PPM1H: variants seen among roughly 807,000 people sequenced by gnomAD.
The protein encoded by PPM1H is protein phosphatase, Mg2+/Mn2+ dependent 1H.
Under a neutral mutation model 54.9 loss-of-function variants are expected in PPM1H, and 27 were observed. That is an observed-to-expected ratio of 0.49 (90% CI 0.36 to 0.68). PPM1H has a LOEUF of 0.68. Ranked by LOEUF, PPM1H falls within the 30% of genes least tolerant of loss-of-function variation. The pLI, the probability that PPM1H is intolerant of heterozygous loss-of-function variation, is 0.00. For missense variants in PPM1H, 596 were observed against 667.8 expected, an observed-to-expected ratio of 0.89 and a Z score of 1.19; for synonymous variants, 305 against 270.8, an observed-to-expected ratio of 1.13 and a Z score of -1.24.
At chr12:62,882,019 A>G (rs1013425839) in intron 1 of PPM1H, among the ~76,000 whole-genome samples, 44 of 152,374 alleles carry the variant, frequency 2.9e-4, no homozygotes, top group African/African-American at 1.0e-3. Flanking sequence ...AAAAAAATCC[A>G]AGAAACATGC....
intron 4 of PPM1H, among the ~76,000 whole-genome samples, chr12:62,770,069 A>C (rs76467295): frequency 0.18 from 26,855 of 149,156 alleles, 2,759 homozygotes; most frequent in African/African-American, 0.28. Flanking sequence ...TGCATGACTC[A>C]ACTTTCAGCT....
intron 1 of PPM1H, among the ~76,000 whole-genome samples, chr12:62,894,026 C>A (rs757763291): frequency 1.3e-5 from 2 of 152,040 alleles, no homozygotes; most frequent in Non-Finnish European, 2.9e-5. Context: ...GCTAGACGTG[C>A]GAATAAAGCC....
At chr12:62,718,538 T>C (rs1363052889) in intron 6 of PPM1H, among the ~76,000 whole-genome samples, 1 of 152,152 alleles carries the variant, frequency 6.6e-6, no homozygotes, top group African/African-American at 2.4e-5. Context: ...GTTTTCCCTA[T>C]CATGTTCCCT....
intron 4 of PPM1H, among the ~76,000 whole-genome samples, chr12:62,759,667 G>A (rs1177694652): frequency 6.6e-6 from 1 of 152,100 alleles, no homozygotes; most frequent in African/African-American, 2.4e-5. Context: ...AGCAAGCACC[G>A]CTTTTCTGGG....
At chr12:62,900,566 G>T (rs1871139082) in intron 1 of PPM1H, among the ~76,000 whole-genome samples, 1 of 145,434 alleles carries the variant, frequency 6.9e-6, no homozygotes, top group South Asian at 2.2e-4. Context: ...AGAAAGAAGG[G>T]AAGAAGAAAT....
chr12:62,915,879 C>T (rs1420169744), intron 1 of PPM1H, among the ~76,000 whole-genome samples: 3 of 152,200 alleles, frequency 2.0e-5, no homozygotes, highest in Admixed American at 6.5e-5. Flanking sequence ...CCAGAAATAG[C>T]CGCTTTCAAA....
chr12:62,878,414 T>A (rs1199676149), intron 1 of PPM1H, among the ~76,000 whole-genome samples: 1 of 151,958 alleles, frequency 6.6e-6, no homozygotes, highest in Non-Finnish European at 1.5e-5. Context: ...ATGGTTTGAT[T>A]CCTCTTATAG....
intron 1 of PPM1H, among the ~76,000 whole-genome samples, chr12:62,850,168 T>C (rs79192040): frequency 0.024 from 3,715 of 152,128 alleles, 72 homozygotes; most frequent in East Asian, 0.084. Context: ...GGTTTCACCA[T>C]GTTGTTCAGG....
At chr12:62,718,364 G>A (rs575481381) in intron 6 of PPM1H, among the ~76,000 whole-genome samples, 1 of 152,268 alleles carries the variant, frequency 6.6e-6, no homozygotes, top group South Asian at 2.1e-4. Flanking sequence ...TGTTATGATA[G>A]TTTTTCTCTG....
At chr12:62,903,784 C>T (rs1871229935) in intron 1 of PPM1H, among the ~76,000 whole-genome samples, 1 of 152,022 alleles carries the variant, frequency 6.6e-6, no homozygotes, top group Non-Finnish European at 1.5e-5. Flanking sequence ...AAATGTTATT[C>T]AATAACTAGG....
intron 9 of PPM1H, among the ~76,000 whole-genome samples, chr12:62,656,476 T>C (rs1463352810): frequency 6.6e-6 from 1 of 152,254 alleles, no homozygotes; most frequent in Non-Finnish European, 1.5e-5. Flanking sequence ...TCTTATAGTC[T>C]GTTTTCTGAA....
chr12:62,702,581 A>AGAGAGAGAGAG (rs1555190172), intron 6 of PPM1H, among the ~76,000 whole-genome samples: 7 of 151,810 alleles, frequency 4.6e-5, no homozygotes, highest in African/African-American at 1.5e-4. Context: ...AGAGAGAGAG[A>AGAGAGAGAGAG]AATACCACTT....
chr12:62,788,874 C>T (rs190570905), intron 3 of PPM1H, among the ~76,000 whole-genome samples: 1 of 152,160 alleles, frequency 6.6e-6, no homozygotes, highest in East Asian at 1.9e-4. Flanking sequence ...CACAGGTGCG[C>T]ACCACCATGC....
At position 62,844,573 on chromosome 12, in the gene PPM1H, C is replaced by T. The variant is rs1359391081; in HGVS notation, c.246-12294G>A. ...AGGAGACAAATGCGCTGAATGTAAGCGATTTTAAATTAGATGCTTAATACC... is the reference window on the plus strand; with the variant it reads ...AGGAGACAAATGCGCTGAATGTAAGTGATTTTAAATTAGATGCTTAATACC... On this transcript the variant is annotated intron_variant, in intron 1 of 9. Coordinates refer to ENST00000228705, the MANE Select transcript of PPM1H (RefSeq NM_020700.2). The surrounding 1 kb of genome is among the most constrained non-coding windows in gnomAD (Gnocchi z 5.2). Among the ~76,000 whole-genome samples, 2 of 152,088 alleles carry T rather than the reference C, an allele frequency of 1.3e-5. No individual in the cohort carries two copies. Among genetic ancestry groups the T allele is most frequent in the Non-Finnish European group, 2.9e-5 (2 of 68,030 alleles).
intron 6 of PPM1H, among the ~76,000 whole-genome samples, chr12:62,705,128 C>T (rs757545427): frequency 6.6e-6 from 1 of 152,132 alleles, no homozygotes; most frequent in Non-Finnish European, 1.5e-5. Context: ...CACAAACACA[C>T]GGCAAAAAAC....
chr12:62,693,118 T>C (rs1252739688), intron 7 of PPM1H, among the ~76,000 whole-genome samples: 1 of 152,206 alleles, frequency 6.6e-6, no homozygotes, highest in Non-Finnish European at 1.5e-5. Context: ...TTGAAATGTA[T>C]TAGTGTTCCG....
chr12:62,742,047 A>G (rs1218625030), intron 4 of PPM1H, among the ~76,000 whole-genome samples: 4 of 151,872 alleles, frequency 2.6e-5, no homozygotes, highest in Non-Finnish European at 5.9e-5. Context: ...ACAAAGGGAA[A>G]CAAGGCAGTG....
Position 62,844,272 on chromosome 12 carries a change from G to A in PPM1H, c.246-11993C>T, listed in dbSNP as rs1343633006. On this transcript the variant is annotated intron_variant, in intron 1 of 9. Coordinates refer to ENST00000228705, the MANE Select transcript of PPM1H (RefSeq NM_020700.2). This position sits in a 1 kb window ranked among gnomAD's most constrained non-coding sequence, Gnocchi z 5.2. ...CAGGGTTCAGCACTTTCTGTACAAA[G>A]CCAGTATGTAACATTACAGTGATTT... 6.6e-6 allele frequency among the ~76,000 whole-genome samples: 1 copy of A among 152,184 alleles called. No individual in the cohort carries two copies. The highest frequency in any genetic ancestry group is 2.4e-5 in the African/African-American group (1 of 41,446).
At chr12:62,764,924 C>A (rs563683952) in intron 4 of PPM1H, among the ~76,000 whole-genome samples, 2 of 152,324 alleles carry the variant, frequency 1.3e-5, no homozygotes, top group South Asian at 4.1e-4. Flanking sequence ...AGGAGCTGGA[C>A]AAAGCCATGC....
Sources: gnomAD v4.1 joint callset for allele counts (sites outside exome capture counted in the v4.1 genomes callset) on GRCh38, gnomAD v4.1.1 for gene constraint, Gnocchi (gnomAD v3.1) non-coding constraint, MANE v1.5 for transcripts, NCBI Gene and HGNC (gene_info 2026-07-23, HGNC 2026-07-21) for gene names.